Variants in TNRC6B observed in about 807,000 individuals in gnomAD.
TNRC6B encodes trinucleotide repeat containing adaptor 6B.
Under a neutral mutation model 203.6 loss-of-function variants are expected in TNRC6B, and 52 were observed. The observed-to-expected ratio is 0.26, with a 90% CI of 0.20 to 0.32. The LOEUF (loss-of-function observed/expected upper bound fraction) is 0.32. Among genes scored for constraint, TNRC6B ranks in the 10% least tolerant of loss-of-function variants. The pLI is 1.00. For missense variants in TNRC6B, 1,923 were observed against 2,286.2 expected (o/e 0.84, Z 3.24); for synonymous variants, 838 against 845.7 (o/e 0.99, Z 0.16).
intron 3 of TNRC6B, among the ~76,000 whole-genome samples, chr22:40,153,118 A>G (rs1259104313): frequency 6.6e-6 from 1 of 152,190 alleles, no homozygotes; most frequent in Non-Finnish European, 1.5e-5. Context: ...ATAAAAATAA[A>G]TAAAACATTT....
In TNRC6B at chr22:40,106,737, G is replaced by A. The variant is rs114254473; in HGVS notation, c.-120-10318G>A. 222 of 768,456 alleles carry A rather than the reference G, an allele frequency of 2.9e-4. 1 individual carries two copies. The African/African-American group carries it at 3.4e-3, about 12-fold the overall frequency. 47.6% of individuals were successfully genotyped at this position (768,456 alleles called of 1,614,324 possible). ...AAGATTTCAGGAAGGCGAAGAAGCT[G>A]CAACACCTTTCGGACCTTTGGGCTT... On this transcript the variant is annotated intron_variant, in intron 1 of 23. Coordinates refer to the TNRC6B transcript ENST00000301923.
chr22:40,115,339 G>A (rs112085231), intron 1 of TNRC6B, among the ~76,000 whole-genome samples: 3 of 152,156 alleles, frequency 2.0e-5, no homozygotes, highest in Non-Finnish European at 2.9e-5. Flanking sequence ...TAGTCTCTGC[G>A]GTTGACAAAA....
At chr22:40,259,320 G>C (rs945247202) in intron 3 of TNRC6B, among the ~76,000 whole-genome samples, 1 of 152,038 alleles carries the variant, frequency 6.6e-6, no homozygotes, top group African/African-American at 2.4e-5. Context: ...CGCTTCCCAG[G>C]TTCAAGCAAT....
intron 1 of TNRC6B, among the ~76,000 whole-genome samples, chr22:40,055,533 G>T (rs2146266411): frequency 6.6e-6 from 1 of 152,326 alleles, no homozygotes; most frequent in African/African-American, 2.4e-5. Context: ...CTCCACTGCA[G>T]TTTAGGACAG....
chr22:40,261,759 A>T, intron 3 of TNRC6B, 73 bp from the exon 4 acceptor site: 1 of 1,235,754 alleles, frequency 8.1e-7, no homozygotes. Flanking sequence ...AAATAATAAA[A>T]TTATTTTTAA....
chr22:40,113,939 AGTTAT>A (rs2068364535), intron 1 of TNRC6B, among the ~76,000 whole-genome samples: 2 of 152,202 alleles, frequency 1.3e-5, no homozygotes, highest in Admixed American at 6.5e-5. Context: ...GGGTTTTCAG[AGTTAT>A]TTGCGACTCA....
chr22:40,111,708 C>T (rs2068336735), intron 1 of TNRC6B, among the ~76,000 whole-genome samples: 1 of 152,154 alleles, frequency 6.6e-6, no homozygotes, highest in African/African-American at 2.4e-5. Context: ...GGAGCTGCAT[C>T]AGGCAGTTAT....
chr22:40,103,411 A>G (rs1416227215), intron 1 of TNRC6B, among the ~76,000 whole-genome samples: 1 of 152,088 alleles, frequency 6.6e-6, no homozygotes, highest in East Asian at 1.9e-4. Flanking sequence ...GCCCCTGAAA[A>G]TTGAATCATA....
At chr22:40,214,442 T>G (rs1421391555) in intron 1 of TNRC6B, among the ~76,000 whole-genome samples, 2 of 152,202 alleles carry the variant, frequency 1.3e-5, no homozygotes, top group African/African-American at 4.8e-5. Flanking sequence ...CAATGTCAGT[T>G]TCTTCGTTGG....
intron 19 of TNRC6B, among the ~76,000 whole-genome samples, chr22:40,313,244 A>G (rs775187720): frequency 2.0e-5 from 3 of 152,194 alleles, no homozygotes; most frequent in African/African-American, 7.2e-5. Context: ...GAGCTGGCAT[A>G]TCCAGAGGGC....
At chr22:40,182,244 CAAAAA>C (rs902896591) in intron 1 of TNRC6B, among the ~76,000 whole-genome samples, 4 of 135,924 alleles carry the variant, frequency 2.9e-5, no homozygotes, top group East Asian at 4.1e-4. Flanking sequence ...GACTCCGTCT[CAAAAA>C]AAAAAGAAAA....
At chr22:40,146,790 C>T (rs2068699248) in intron 3 of TNRC6B, among the ~76,000 whole-genome samples, 1 of 151,866 alleles carries the variant, frequency 6.6e-6, no homozygotes, top group South Asian at 2.1e-4. Flanking sequence ...GCCTTGAACT[C>T]CTGACCTCAC....
chr22:40,059,820 T>TTTTTG, intron 1 of TNRC6B, among the ~76,000 whole-genome samples: 1 of 147,806 alleles, frequency 6.8e-6, no homozygotes, highest in African/African-American at 2.6e-5. Context: ...GTTTGGTTTT[T>TTTTTG]TTTTTTTTTT....
chr22:40,312,403 G>A lies in TNRC6B; in HGVS notation c.4436-102G>A, dbSNP rs138281670. On this transcript the variant is annotated intron_variant, in intron 17 of 22. Coordinates refer to ENST00000454349, the MANE Select transcript of TNRC6B (RefSeq NM_001162501.2). ...GAAAATCTAAGAGACAATAAATTCA[G>A]TATTTATACTTTTCACAGACCCATT... 1.5e-4 allele frequency: 182 copies of A among 1,177,904 alleles called. No individual in the cohort carries two copies. In the East Asian group the frequency reaches 4.6e-3, roughly 30 times the overall value. 73.0% of individuals were successfully genotyped at this position (1,177,904 alleles called of 1,614,324 possible).
intron 1 of TNRC6B, among the ~76,000 whole-genome samples, chr22:40,188,957 A>G (rs1317926000): frequency 6.6e-6 from 1 of 152,140 alleles, no homozygotes; most frequent in East Asian, 1.9e-4. Context: ...TTGTCTTACC[A>G]TGGTTTCAAA....
chr22:40,101,639 C>A (rs1214595428), intron 1 of TNRC6B, among the ~76,000 whole-genome samples: 6 of 152,044 alleles, frequency 3.9e-5, no homozygotes, highest in Non-Finnish European at 7.4e-5. Context: ...AGGAATGAAG[C>A]TGAAAGACAT....
chr22:40,130,309 A>AGGAG (rs1305786846), intron 3 of TNRC6B, among the ~76,000 whole-genome samples: 1 of 152,036 alleles, frequency 6.6e-6, no homozygotes, highest in African/African-American at 2.4e-5. Context: ...GGAGTTTTGG[A>AGGAG]GGAGGAAAGA....
At chr22:40,210,167 A>G (rs1167915615) in intron 1 of TNRC6B, among the ~76,000 whole-genome samples, 4 of 151,944 alleles carry the variant, frequency 2.6e-5, no homozygotes, top group Admixed American at 6.6e-5. Flanking sequence ...CCAGGCTGCT[A>G]GAGACCTCGC....
chr22:40,280,499 G>T (rs936042965), intron 10 of TNRC6B, among the ~76,000 whole-genome samples: 5 of 152,202 alleles, frequency 3.3e-5, no homozygotes, highest in Non-Finnish European at 5.9e-5. Flanking sequence ...CTAAGGCCTT[G>T]CCTTCTTCTA....
Sources: allele counts gnomAD v4.1 joint callset (sites outside exome capture counted in the v4.1 genomes callset), GRCh38; gene constraint gnomAD v4.1.1; transcripts MANE v1.5; gene names NCBI Gene and HGNC (gene_info 2026-07-23, HGNC 2026-07-21).